PNMA2: variants seen among roughly 807,000 people sequenced by gnomAD.
The protein encoded by PNMA2 is PNMA family member 2.
For synonymous variants in PNMA2, 175 were observed against 183.5 expected (o/e 0.95, Z 0.38); for missense variants, 455 against 452.9 (o/e 1.00, Z -0.04).
rs750935109 is a variant in PNMA2, at chr8:26,508,772, C to G, written c.-17G>C. The stretch of plus-strand genomic sequence containing the variant: ...CAGCGCCATTGTCCTAAGAATTGAC[C>G]CACTCTGACTCTACAGGCACCAATT... On this transcript the variant is annotated 5_prime_UTR_variant, in exon 3 of 3. Transcript: ENST00000522362. The surrounding 1 kb of genome is among the most constrained non-coding windows in gnomAD (Gnocchi z 5.5). 1 of 1,595,564 alleles carries G rather than the reference C, an allele frequency of 6.3e-7. No individual in the cohort carries two copies. Among genetic ancestry groups the G allele is most frequent in the Admixed American group, 1.7e-5 (1 of 57,838 alleles).
intron 1 of PNMA2, among the ~76,000 whole-genome samples, chr8:26,510,708 T>A (rs557884678): frequency 6.6e-6 from 1 of 152,310 alleles, no homozygotes; most frequent in East Asian, 1.9e-4. Flanking sequence ...CCACAGCCTC[T>A]CACAGTGCTG....
rs936940626 is a variant in PNMA2 at position 26,505,280 on chromosome 8, G to A, written c.*2381C>T. 9 of 166,612 alleles carry A rather than the reference G, an allele frequency of 5.4e-5. No homozygotes were observed. Among genetic ancestry groups the A allele is most frequent in the East Asian group, 1.7e-4 (1 of 5,850 alleles). The allele number at this position is 166,612 out of a possible 1,614,324, so 10.3% of individuals were successfully genotyped here. Reference sequence around the variant, plus strand: ...ATTAAGTCATTTGTTCATAACAACCGTGTACTCTCATCTTCTTATTTTTCA... The same window carrying A: ...ATTAAGTCATTTGTTCATAACAACCATGTACTCTCATCTTCTTATTTTTCA... On this transcript the variant is annotated 3_prime_UTR_variant, in exon 3 of 3. Transcript: ENST00000522362.
At chr8:26,513,388 G>GCCCCCCCC (rs148272306) in intron 1 of PNMA2, among the ~76,000 whole-genome samples, 18 of 141,032 alleles carry the variant, frequency 1.3e-4, no homozygotes, top group East Asian at 2.1e-4. Context: ...CATGTTGTGT[G>GCCCCCCCC]CCCCCCCCCC....
In PNMA2 at chr8:26,508,660, C is replaced by A. The variant is rs980759418; in HGVS notation, c.96G>T (p.Glu32Asp). ...MVTGIPADFEEAEIQEVLQET... is the reference protein window; with the variant it reads ...MVTGIPADFEDAEIQEVLQET... Reference sequence around the variant, plus strand: ...CCTGAAGGACCTCCTGAATCTCAGCCTCCTCAAAGTCCGCCGGTATCCCCG... The same window carrying A: ...CCTGAAGGACCTCCTGAATCTCAGCATCCTCAAAGTCCGCCGGTATCCCCG... Residue 32 changes from glutamate to aspartate, a missense_variant, in exon 3 of 3, where the codon GAG becomes GAT. Glu to Asp is a conservative substitution (Grantham distance 45). Coordinates refer to ENST00000522362, the MANE Select transcript of PNMA2 (RefSeq NM_007257.6). This position sits in a 1 kb window ranked among gnomAD's most constrained non-coding sequence, Gnocchi z 5.5. The A allele has an allele frequency of 9.3e-6, 15 of 1,614,192 alleles. No individual in the cohort carries two copies. Among genetic ancestry groups the A allele is most frequent in the Middle Eastern group, 1.6e-4 (1 of 6,062 alleles).
In PNMA2 at chr8:26,508,063, T is replaced by C. The variant is rs749049363; in HGVS notation, c.693A>G (p.Glu231=). The C allele has an allele frequency of 2.7e-5, 44 of 1,614,230 alleles. No individual in the cohort carries two copies. In the East Asian group the frequency reaches 9.6e-4, roughly 35 times the overall value. Reference sequence around the variant, plus strand: ...CTTGCTTAAAGGCCTCCAAACACTCTTCTACACTGATGGACGGGTTGTCTG... The same window carrying C: ...CTTGCTTAAAGGCCTCCAAACACTCCTCTACACTGATGGACGGGTTGTCTG... The part of the protein sequence containing the change: ...VQADNPSISV[E]ECLEAFKQVF... Residue 231 remains glutamate (E), a synonymous_variant, in exon 3 of 3, where the codon GAA becomes GAG. Transcript: ENST00000522362. The surrounding 1 kb of genome is among the most constrained non-coding windows in gnomAD (Gnocchi z 5.5).
Position 26,508,347 on chromosome 8 carries a change from T to C in PNMA2, c.409A>G (p.Ile137Val), listed in dbSNP as rs1205407842. The change falls in exon 3 of 3, where the codon ATC becomes GTC. Residue 137 changes from isoleucine to valine, a missense_variant. Ile to Val is a conservative substitution (Grantham distance 29). Transcript: ENST00000522362. The surrounding 1 kb of genome is among the most constrained non-coding windows in gnomAD (Gnocchi z 5.5). ...EGVSPATVPC[I>V]SPELLAHLLG... ...AAATGGGCCAGTAATTCTGGTGAGA[T>C]GCAGGGCACTGTGGCTGGAGACACG... 6.2e-7 allele frequency: 1 copy of C among 1,613,790 alleles called. No individual in the cohort carries two copies. Among genetic ancestry groups the C allele is most frequent in the Non-Finnish European group, 8.5e-7 (1 of 1,179,830 alleles).
rs775304678 is a variant in PNMA2, at chr8:26,508,720, T to C, written c.36A>G (p.Ile12Met). 5.0e-6 allele frequency: 8 copies of C among 1,613,818 alleles called. No homozygotes were observed. In the South Asian group the frequency reaches 8.8e-5, roughly 18 times the overall value. The stretch of plus-strand genomic sequence containing the variant: ...GTGACTTCTGCTCATCCACACTCAT[T>C]ATCCTGCACCAGTCCTCTAACAGTG... ...ALALLEDWCR[I>M]MSVDEQKSLM... The change falls in exon 3 of 3, where the codon ATA becomes ATG. Residue 12 changes from isoleucine (I) to methionine (M), a missense_variant. Physicochemically the swap from Ile to Met is conservative, Grantham distance 10 (BLOSUM62 1). Coordinates refer to ENST00000522362, the MANE Select transcript of PNMA2 (RefSeq NM_007257.6). This position sits in a 1 kb window ranked among gnomAD's most constrained non-coding sequence, Gnocchi z 5.5.
chr8:26,505,533 T>C lies in PNMA2; in HGVS notation c.*2128A>G, dbSNP rs1808032814. On this transcript the variant is annotated 3_prime_UTR_variant, in exon 3 of 3. Transcript: ENST00000522362. ...TACCGCTTTTAAAATCTGTGAACAATTAAAAGAAGTTTGGATACGTACACA... is the reference window on the plus strand; with the variant it reads ...TACCGCTTTTAAAATCTGTGAACAACTAAAAGAAGTTTGGATACGTACACA... 6.5e-6 allele frequency: 1 copy of C among 153,250 alleles called. No individual in the cohort carries two copies. The highest frequency in any genetic ancestry group is 1.5e-5 in the Non-Finnish European group (1 of 68,224). The allele number at this position is 153,250 out of a possible 1,614,324, so 9.5% of individuals were successfully genotyped here.
Position 26,508,788 on chromosome 8 carries a change from GGCACCAATTTGTTAGTGGTGCAGCTAT to G in PNMA2, c.-60_-34del, listed in dbSNP as rs765238126. 1 of 1,573,132 alleles carries G rather than the reference GGCACCAATTTGTTAGTGGTGCAGCTAT, an allele frequency of 6.4e-7. No individual in the cohort carries two copies. Among genetic ancestry groups the G allele is most frequent in the Non-Finnish European group, 8.6e-7 (1 of 1,162,260 alleles). On this transcript the variant is annotated 5_prime_UTR_variant, in exon 3 of 3. Coordinates refer to ENST00000522362, the MANE Select transcript of PNMA2 (RefSeq NM_007257.6). The surrounding 1 kb of genome is among the most constrained non-coding windows in gnomAD (Gnocchi z 5.5). The stretch of plus-strand genomic sequence containing the variant: ...AGAATTGACCCACTCTGACTCTACA[GGCACCAATTTGTTAGTGGTGCAGCTAT>G]GCACTGACTTAATATTGAAAATATC...
chr8:26,510,349 T>G (rs899696859), intron 1 of PNMA2, among the ~76,000 whole-genome samples: 15 of 152,358 alleles, frequency 9.8e-5, no homozygotes, highest in Admixed American at 8.5e-4. Context: ...TAAACCTCTT[T>G]TCTTTATAAA....
At position 26,509,233 on chromosome 8, in the gene PNMA2, G is replaced by A. The variant is rs181375744; in HGVS notation, c.-478C>T. The A allele has an allele frequency of 4.7e-5, 8 of 169,660 alleles. No individual in the cohort carries two copies. Among genetic ancestry groups the A allele is most frequent in the Admixed American group, 1.9e-4 (3 of 15,444 alleles). The allele number at this position is 169,660 out of a possible 1,614,324, so 10.5% of individuals were successfully genotyped here. A position where few individuals can be genotyped will look rare whatever the true frequency, so the allele number is the denominator to read the frequency against. On this transcript the variant is annotated 5_prime_UTR_variant, in exon 3 of 3. Transcript: ENST00000522362. This position sits in a 1 kb window ranked among gnomAD's most constrained non-coding sequence, Gnocchi z 5.7. ...TTGAAGAGAAGCCTCCCAGCAGGGC[G>A]GCTTGGACCCCTGGTGAAACAATGT...
chr8:26,511,015 G>C (rs1053959151), intron 1 of PNMA2, among the ~76,000 whole-genome samples: 1 of 152,090 alleles, frequency 6.6e-6, no homozygotes, highest in Non-Finnish European at 1.5e-5. Flanking sequence ...ATCTGGGTGT[G>C]GTGGCACGTG....
At chr8:26,512,354 C>T (rs916788462) in intron 1 of PNMA2, among the ~76,000 whole-genome samples, 2 of 152,222 alleles carry the variant, frequency 1.3e-5, no homozygotes, top group Non-Finnish European at 2.9e-5. Flanking sequence ...GTTCTCTCAG[C>T]CCCTCCACTC....
At position 26,508,538 on chromosome 8, in the gene PNMA2, G is replaced by T. The variant is rs776134898; in HGVS notation, c.218C>A (p.Thr73Asn). 3.1e-6 allele frequency: 5 copies of T among 1,614,076 alleles called. No homozygotes were observed. The highest frequency in any genetic ancestry group is 4.2e-6 in the Non-Finnish European group (5 of 1,180,036). ...CTCACTGGGAATGGCCGAGACATCA[G>T]TATCTTCCAGAAGCTCTAGTAAGAC... ...NAVLLELLED[T>N]DVSAIPSEVQ... Residue 73 changes from threonine (T) to asparagine (N), a missense_variant, in exon 3 of 3, where the codon ACT becomes AAT. Transcript: ENST00000522362. This position sits in a 1 kb window ranked among gnomAD's most constrained non-coding sequence, Gnocchi z 5.5.
Position 26,508,073 on chromosome 8 carries a change from ATGGACGGGTTGTC to A in PNMA2, c.670_682del (p.Asp224SerfsTer3). The A allele has an allele frequency of 6.2e-7, 1 of 1,614,192 alleles. No individual in the cohort carries two copies. Among genetic ancestry groups the A allele is most frequent in the Non-Finnish European group, 8.5e-7 (1 of 1,180,036 alleles). ...GGCCTCCAAACACTCTTCTACACTG[ATGGACGGGTTGTC>A]TGCCTGCACTATGTGCATGAGGTCC... is the stretch of plus-strand genomic sequence containing the variant. On this transcript the variant is annotated frameshift_variant, in exon 3 of 3. Coordinates refer to ENST00000522362, the MANE Select transcript of PNMA2 (RefSeq NM_007257.6). LOFTEE classifies it low-confidence loss of function (END_TRUNC). This position sits in a 1 kb window ranked among gnomAD's most constrained non-coding sequence, Gnocchi z 5.5.
chr8:26,507,982 A>T lies in PNMA2; in HGVS notation c.774T>A (p.Tyr258Ter). The change falls in exon 3 of 3, where the codon TAT (tyrosine) becomes TAA (stop). Residue 258 changes from tyrosine (Y) to a stop codon, truncating the protein, a stop_gained. Transcript: ENST00000522362. LOFTEE classifies it low-confidence loss of function (END_TRUNC). ...CTGAGACCTTCTCTCCTTCCTCCTGATAGGTCTTCAGATACCTCACCTGGG... is the reference window on the plus strand; with the variant it reads ...CTGAGACCTTCTCTCCTTCCTCCTGTTAGGTCTTCAGATACCTCACCTGGG... ...RTAQVRYLKT[Y>*]QEEGEKVSAY... 6.2e-7 allele frequency: 1 copy of T among 1,614,174 alleles called. No homozygotes were observed. The highest frequency in any genetic ancestry group is 8.5e-7 in the Non-Finnish European group (1 of 1,180,012).
chr8:26,510,467 AG>A (rs1354922946), intron 1 of PNMA2, among the ~76,000 whole-genome samples: 1 of 152,222 alleles, frequency 6.6e-6, no homozygotes, highest in African/African-American at 2.4e-5. Context: ...TTTTTGAGAC[AG>A]GGTCTCACTC....
chr8:26,510,639 G>A (rs959255057), intron 1 of PNMA2, among the ~76,000 whole-genome samples: 7 of 151,964 alleles, frequency 4.6e-5, no homozygotes, highest in South Asian at 2.1e-4. Flanking sequence ...GTGTAGAGAC[G>A]CAGTCTCCTT....
chr8:26,507,869 T>C lies in PNMA2; in HGVS notation c.887A>G (p.Glu296Gly). 1 of 1,614,182 alleles carries C rather than the reference T, an allele frequency of 6.2e-7. No homozygotes were observed. The highest frequency in any genetic ancestry group is 8.5e-7 in the Non-Finnish European group (1 of 1,180,024). Residue 296 changes from glutamate to glycine, a missense_variant, in exon 3 of 3, where the codon GAG becomes GGG. Physicochemically the swap from Glu to Gly is moderately conservative, Grantham distance 98. Transcript: ENST00000522362. ...PRRIADQVRLEQVMAGATLNQ... is the reference protein window; with the variant it reads ...PRRIADQVRLGQVMAGATLNQ... ...AAGAGTGGCCCCAGCCATGACCTGC[T>C]CCAGGCGGACCTGGTCCGCAATACG... is the stretch of plus-strand genomic sequence containing the variant.
Sources: gnomAD v4.1 joint callset for allele counts (sites outside exome capture counted in the v4.1 genomes callset) on GRCh38, gnomAD v4.1.1 for gene constraint, Gnocchi (gnomAD v3.1) non-coding constraint, MANE v1.5 for transcripts, NCBI Gene and HGNC (gene_info 2026-07-23, HGNC 2026-07-21) for gene names.